FAM83B: variants seen among roughly 807,000 people sequenced by gnomAD.
FAM83B encodes protein FAM83B.
A neutral mutation model predicts 38.8 loss-of-function variants in FAM83B; 26 were observed. That is an observed-to-expected ratio of 0.67 (90% CI 0.49 to 0.93). The LOEUF is 0.93. Among genes scored for constraint, FAM83B ranks in the 40% least tolerant of loss-of-function variants. The probability of loss-of-function intolerance (pLI) is 0.00; values close to 1 mark genes in which losing one functional copy is unlikely to be tolerated. For missense variants in FAM83B, 1,237 were observed against 1,197.3 expected, an observed-to-expected ratio of 1.03 and a Z score of -0.49; for synonymous variants, 419 against 423.1, an observed-to-expected ratio of 0.99 and a Z score of 0.12.
intron 2 of FAM83B, among the ~76,000 whole-genome samples, chr6:54,875,799 A>G (rs1771978995): frequency 6.6e-6 from 1 of 151,962 alleles, no homozygotes; most frequent in Admixed American, 6.6e-5. Flanking sequence ...AAGGAGAGAG[A>G]AAGAAAAAGA....
At chr6:54,938,531 T>C (rs187500307) in intron 4 of FAM83B, among the ~76,000 whole-genome samples, 6 of 152,232 alleles carry the variant, frequency 3.9e-5, no homozygotes, top group South Asian at 2.1e-4. Context: ...CAATGTCTAT[T>C]AGTTTTTGAT....
At chr6:54,870,820 G>C (rs1274913626) in intron 2 of FAM83B, 130 bp downstream of exon 2, 1 of 876,540 alleles carries the variant, frequency 1.1e-6, no homozygotes, top group African/African-American at 1.7e-5. Flanking sequence ...TTTTAGGAAA[G>C]TACCTATGGA....
chr6:54,935,768 G>C (rs1773512380), intron 4 of FAM83B, among the ~76,000 whole-genome samples: 1 of 152,216 alleles, frequency 6.6e-6, no homozygotes, highest in East Asian at 1.9e-4. Context: ...TAAGACTAGG[G>C]TGATAGTGGG....
intron 2 of FAM83B, among the ~76,000 whole-genome samples, chr6:54,883,995 C>T (rs924522557): frequency 1.3e-5 from 2 of 151,730 alleles, no homozygotes; most frequent in Non-Finnish European, 2.9e-5. Flanking sequence ...TATAGGGAAA[C>T]CCTGTCTCTA....
At chr6:54,894,477 GCA>G (rs987838748) in intron 2 of FAM83B, among the ~76,000 whole-genome samples, 1 of 152,122 alleles carries the variant, frequency 6.6e-6, no homozygotes, top group African/African-American at 2.4e-5. Context: ...CTAAGAAAAT[GCA>G]CACTCATGCC....
At chr6:54,910,564 GGCA>G (rs1255030835) in intron 2 of FAM83B, among the ~76,000 whole-genome samples, 1 of 152,112 alleles carries the variant, frequency 6.6e-6, no homozygotes, top group Non-Finnish European at 1.5e-5. Context: ...ACTAGAGCGG[GGCA>G]GAGTTCACTT....
At chr6:54,874,711 ATC>A (rs1771950848) in intron 2 of FAM83B, among the ~76,000 whole-genome samples, 1 of 152,152 alleles carries the variant, frequency 6.6e-6, no homozygotes, top group Admixed American at 6.6e-5. Flanking sequence ...TGTTATTTGC[ATC>A]TCTGTTTCCT....
intron 1 of FAM83B, among the ~76,000 whole-genome samples, chr6:54,848,875 G>A (rs933031893): frequency 1.3e-5 from 2 of 152,070 alleles, no homozygotes; most frequent in African/African-American, 4.8e-5. Context: ...ATGAATTATT[G>A]GTAAAATTTC....
At chr6:54,871,903 A>G (rs981785113) in intron 2 of FAM83B, among the ~76,000 whole-genome samples, 1 of 152,102 alleles carries the variant, frequency 6.6e-6, no homozygotes, top group African/African-American at 2.4e-5. Flanking sequence ...TTCTATGCCA[A>G]TAAGACACAG....
intron 1 of FAM83B, among the ~76,000 whole-genome samples, chr6:54,852,876 T>A (rs1180602243): frequency 1.3e-5 from 2 of 152,228 alleles, no homozygotes; most frequent in African/African-American, 4.8e-5. Context: ...CCAGGACAGT[T>A]TTGAATGCTG....
Position 54,855,992 on chromosome 6 carries a change from G to T in FAM83B, c.-61+9166G>T, listed in dbSNP as rs183327575. Among the ~76,000 whole-genome samples, 384 of 152,220 alleles carry T rather than the reference G, an allele frequency of 2.5e-3. 2 individuals carry two copies. The highest frequency in any genetic ancestry group is 8.8e-3 in the African/African-American group (365 of 41,536). On this transcript the variant is annotated intron_variant, in intron 1 of 4. Transcript: ENST00000306858. ...ATGGTTAAAACTGAAAGAGAAGAAA[G>T]GTATAGATAACATAATCAATGATGA...
intron 2 of FAM83B, among the ~76,000 whole-genome samples, chr6:54,897,380 A>G (rs1008436254): frequency 6.6e-6 from 1 of 152,176 alleles, no homozygotes; most frequent in African/African-American, 2.4e-5. Flanking sequence ...AAATGTTACA[A>G]ATAGGAAAGC....
At chr6:54,917,511 T>C (rs1482075315) in intron 2 of FAM83B, among the ~76,000 whole-genome samples, 1 of 152,166 alleles carries the variant, frequency 6.6e-6, no homozygotes, top group African/African-American at 2.4e-5. Flanking sequence ...ATATTCATGA[T>C]TGGTGAAAAT....
rs544351262 is a variant in FAM83B at position 54,931,001 on chromosome 6, T to C, written c.734+3369T>C. Among the ~76,000 whole-genome samples the C allele has an allele frequency of 9.2e-5, 14 of 152,272 alleles. No homozygotes were observed. The South Asian group carries it at 2.5e-3, about 27-fold the overall frequency. On this transcript the variant is annotated intron_variant, in intron 4 of 4. Transcript: ENST00000306858. Reference sequence around the variant, plus strand: ...CATAAATTTTGATATCTTGTGTTTTTATATTCATTTGTCTCAAGGTATTTT... The same window carrying C: ...CATAAATTTTGATATCTTGTGTTTTCATATTCATTTGTCTCAAGGTATTTT...
At chr6:54,910,612 C>CA (rs2127584373) in intron 2 of FAM83B, among the ~76,000 whole-genome samples, 1 of 152,302 alleles carries the variant, frequency 6.6e-6, no homozygotes, top group African/African-American at 2.4e-5. Context: ...CTTGCTCCCT[C>CA]ACTCCTTGAG....
chr6:54,889,396 T>G (rs1772350677), intron 2 of FAM83B, among the ~76,000 whole-genome samples: 1 of 152,112 alleles, frequency 6.6e-6, no homozygotes, highest in Non-Finnish European at 1.5e-5. Flanking sequence ...CAATGAAGTG[T>G]TGTCTATTTA....
At chr6:54,934,370 G>A (rs755357989) in intron 4 of FAM83B, among the ~76,000 whole-genome samples, 23 of 152,134 alleles carry the variant, frequency 1.5e-4, no homozygotes, top group Admixed American at 5.9e-4. Context: ...AGCGGGAAAT[G>A]CTTATCAACG....
chr6:54,939,813 G>A lies in FAM83B; in HGVS notation c.842G>A (p.Cys281Tyr), dbSNP rs1394247286. 1.9e-6 allele frequency: 3 copies of A among 1,613,976 alleles called. No homozygotes were observed. The highest frequency in any genetic ancestry group is 2.2e-5 in the South Asian group (2 of 91,088). The stretch of plus-strand genomic sequence containing the variant: ...TTTAGAACTCTCTATGCCAGATCCT[G>A]TGTCCCTAGTTCATTTGCTCAGGAA... ...EEFRTLYARS[C>Y]VPSSFAQEES... is the part of the protein sequence containing the mutation. The change falls in exon 5 of 5, where the codon TGT (cysteine) becomes TAT (tyrosine). Residue 281 changes from cysteine to tyrosine, a missense_variant. Coordinates refer to ENST00000306858, the MANE Select transcript of FAM83B (RefSeq NM_001010872.3).
chr6:54,854,213 G>C (rs1297763301), intron 1 of FAM83B, among the ~76,000 whole-genome samples: 2 of 152,180 alleles, frequency 1.3e-5, no homozygotes, highest in Non-Finnish European at 2.9e-5. Context: ...AAGGTGCTAT[G>C]AACATTGTTA....
Sources: gnomAD v4.1 joint callset for allele counts (sites outside exome capture counted in the v4.1 genomes callset) on GRCh38, gnomAD v4.1.1 for gene constraint, MANE v1.5 for transcripts, NCBI Gene and HGNC (gene_info 2026-07-23, HGNC 2026-07-21) for gene names.